The following KIF3C variants were observed in gnomAD, a reference collection of about 807,000 sequenced individuals.
KIF3C encodes the protein kinesin-like protein KIF3C.
KIF3C carries 12 observed loss-of-function variants against 67.7 expected under a neutral mutation model. The ratio of observed to expected loss-of-function variants is 0.18; its 90% CI spans 0.11 to 0.29. The LOEUF (loss-of-function observed/expected upper bound fraction) is 0.29, where lower values mean the gene tolerates loss of function less well. Ranked by LOEUF, KIF3C falls within the 10% of genes least tolerant of loss-of-function variation. The pLI is 1.00. For missense variants in KIF3C, 789 were observed against 1,059.6 expected (o/e 0.74, Z 3.55); for synonymous variants, 393 against 426.2 (o/e 0.92, Z 0.96).
intron 5 of KIF3C, among the ~76,000 whole-genome samples, chr2:25,949,332 G>T (rs78433688): frequency 6.6e-6 from 1 of 152,092 alleles, no homozygotes; most frequent in Non-Finnish European, 1.5e-5. Flanking sequence ...CTAGAACTTT[G>T]AGAGGACAAG....
chr2:25,946,885 G>A (rs928003781), intron 5 of KIF3C, among the ~76,000 whole-genome samples: 9 of 151,884 alleles, frequency 5.9e-5, no homozygotes, highest in African/African-American at 1.9e-4. Context: ...GGGCGCAGTG[G>A]CTCACGCCTG....
At chr2:25,978,623 C>T (rs557284967) in intron 1 of KIF3C, among the ~76,000 whole-genome samples, 1 of 152,048 alleles carries the variant, frequency 6.6e-6, no homozygotes, top group African/African-American at 2.4e-5. Flanking sequence ...TGCCTTAGAT[C>T]CAAGGATCTC....
At position 25,930,052 on chromosome 2, in the gene KIF3C, T is replaced by C; in HGVS notation, c.2018A>G (p.Gln673Arg). 6.2e-7 allele frequency: 1 copy of C among 1,613,616 alleles called. No homozygotes were observed. The highest frequency in any genetic ancestry group is 2.2e-5 in the East Asian group (1 of 44,886). ...PLVPAGVSSSQMKKRPTSAVG... is the reference protein window; with the variant it reads ...PLVPAGVSSSRMKKRPTSAVG... ...TGCAGATGTTGGCCGCTTCTTCATC[T>C]GGCTGCTACTGCTGTAGGAAAGAGG... The change falls in exon 6 of 8, where the codon CAG becomes CGG. Residue 673 changes from glutamine (Q) to arginine (R), a missense_variant. Around this residue, in one of 2 missense-constraint regions of KIF3C, gnomAD observed 648 missense variants for 807.8 expected, o/e 0.80. Transcript: ENST00000264712.
intron 5 of KIF3C, among the ~76,000 whole-genome samples, chr2:25,948,634 GAGAGAAAGAGAAAGAGAGAA>G (rs1242010068): frequency 1.6e-4 from 20 of 122,982 alleles, no homozygotes; most frequent in African/African-American, 6.8e-4. Context: ...GAGAAAGAGA[GAGAGAAAGAGAAAGAGAGAA>G]AGAGAAAGAG....
rs774454959 is a variant in KIF3C at position 25,955,139 on chromosome 2, G to A, written c.1770+402C>T. 2.0e-5 allele frequency among the ~76,000 whole-genome samples: 3 copies of A among 152,062 alleles called. No homozygotes were observed. Among genetic ancestry groups the A allele is most frequent in the Non-Finnish European group, 4.4e-5 (3 of 68,018 alleles). On this transcript the variant is annotated intron_variant, in intron 3 of 7. Transcript: ENST00000264712. This position sits in a 1 kb window ranked among gnomAD's most constrained non-coding sequence, Gnocchi z 5.0. ...TTCTCATCCCTTGACATGTCCTTGAGGGCCTTACACTCCCCACCTGAGCTT... is the reference window on the plus strand; with the variant it reads ...TTCTCATCCCTTGACATGTCCTTGAAGGCCTTACACTCCCCACCTGAGCTT...
At chr2:25,946,591 G>A (rs1347967647) in intron 5 of KIF3C, among the ~76,000 whole-genome samples, 5 of 152,150 alleles carry the variant, frequency 3.3e-5, no homozygotes, top group African/African-American at 4.8e-5. Flanking sequence ...AGGAGGCTGA[G>A]GCAGTAGAAT....
rs1663748446 is a variant in KIF3C, at chr2:25,954,419, T to C, written c.1771-34A>G. ...GGACAGGTGCCACTCAGAGGCTGCT[T>C]GGTGTGGCAACGAGGCCCCAGTCAC... is the stretch of plus-strand genomic sequence containing the variant. On this transcript the variant is annotated intron_variant, in intron 3 of 7. Coordinates refer to ENST00000264712, the MANE Select transcript of KIF3C (RefSeq NM_002254.8). The C allele has an allele frequency of 2.6e-6, 4 of 1,548,536 alleles. No individual in the cohort carries two copies. In the Admixed American group the frequency reaches 5.1e-5, roughly 20 times the overall value.
At chr2:25,960,294 T>G (rs1663913256) in intron 1 of KIF3C, among the ~76,000 whole-genome samples, 1 of 152,118 alleles carries the variant, frequency 6.6e-6, no homozygotes. Flanking sequence ...GAGATCCATA[T>G]TGTACTGAGA....
intron 1 of KIF3C, among the ~76,000 whole-genome samples, chr2:25,966,975 C>G (rs539680309): frequency 6.6e-6 from 1 of 152,308 alleles, no homozygotes; most frequent in East Asian, 1.9e-4. Flanking sequence ...CAGTAAATGG[C>G]AGAGTGATAT....
intron 5 of KIF3C, among the ~76,000 whole-genome samples, chr2:25,934,922 C>T (rs1310875857): frequency 2.0e-5 from 3 of 151,170 alleles, no homozygotes; most frequent in African/African-American, 4.9e-5. Flanking sequence ...GGCTACAGAG[C>T]GAAGATCCCA....
At position 25,929,288 on chromosome 2, in the gene KIF3C, A is replaced by G. The variant is rs552909636; in HGVS notation, c.2288+17T>C. 6.2e-7 allele frequency: 1 copy of G among 1,611,142 alleles called. No homozygotes were observed. The highest frequency in any genetic ancestry group is 1.1e-5 in the South Asian group (1 of 91,052). ...CCTCCTGGGTCCAGTGCTGCCTGGG[A>G]CCATGGAGGTACTGACCAGGATCTG... On this transcript the variant is annotated intron_variant, in intron 7 of 7. Transcript: ENST00000264712.
chr2:25,966,400 C>T (rs1367094845), intron 1 of KIF3C, among the ~76,000 whole-genome samples: 1 of 152,178 alleles, frequency 6.6e-6, no homozygotes, highest in African/African-American at 2.4e-5. Context: ...GCCACCACGC[C>T]CCACCTGTCT....
chr2:25,975,142 A>C (rs1015013047), intron 1 of KIF3C, among the ~76,000 whole-genome samples: 1 of 151,830 alleles, frequency 6.6e-6, no homozygotes, highest in African/African-American at 2.4e-5. Flanking sequence ...TGACACATCT[A>C]CAGCAGCTCC....
Position 25,980,248 on chromosome 2 carries a change from G to A in KIF3C, c.1545+125C>T. 1.3e-6 allele frequency: 1 copy of A among 765,328 alleles called. No individual in the cohort carries two copies. Among genetic ancestry groups the A allele is most frequent in the Admixed American group, 2.9e-5 (1 of 34,384 alleles). 47.4% of individuals were successfully genotyped at this position (765,328 alleles called of 1,614,324 possible). ...GCTCTGGGGGCACATTTGGCAGGAG[G>A]GCAGTGTGCGGTGCTGAGGGAGAAC... On this transcript the variant is annotated intron_variant, in intron 1 of 7. Coordinates refer to ENST00000264712, the MANE Select transcript of KIF3C (RefSeq NM_002254.8). This position sits in a 1 kb window ranked among gnomAD's most constrained non-coding sequence, Gnocchi z 7.6.
chr2:25,949,371 C>T (rs1028815069), intron 5 of KIF3C, among the ~76,000 whole-genome samples: 1 of 151,694 alleles, frequency 6.6e-6, no homozygotes, highest in Admixed American at 6.6e-5. Context: ...CCCAGGAGCT[C>T]GAGATCAGCC....
At chr2:25,975,583 T>G (rs1664392252) in intron 1 of KIF3C, among the ~76,000 whole-genome samples, 1 of 152,202 alleles carries the variant, frequency 6.6e-6, no homozygotes, top group South Asian at 2.1e-4. Context: ...CCAGCTGGGT[T>G]TACATAGTTT....
At chr2:25,972,880 T>C (rs1559558022) in intron 1 of KIF3C, among the ~76,000 whole-genome samples, 1 of 152,068 alleles carries the variant, frequency 6.6e-6, no homozygotes, top group Non-Finnish European at 1.5e-5. Context: ...CCCCTCTATT[T>C]CTCTCTTGCT....
Position 25,958,769 on chromosome 2 carries a change from C to G in KIF3C, c.1546-2325G>C, listed in dbSNP as rs1663872496. ...GCGTATGCTCTGTACTCCAGCCTCA[C>G]CAAGAGAATTCCAGCTCCCTGGGGG... On this transcript the variant is annotated intron_variant, in intron 1 of 7. Transcript: ENST00000264712. The surrounding 1 kb of genome is among the most constrained non-coding windows in gnomAD (Gnocchi z 4.5). Among the ~76,000 whole-genome samples the G allele has an allele frequency of 6.6e-6, 1 of 152,088 alleles. No homozygotes were observed. Among genetic ancestry groups the G allele is most frequent in the South Asian group, 2.1e-4 (1 of 4,828 alleles).
At chr2:25,961,590 C>T (rs757662379) in intron 1 of KIF3C, among the ~76,000 whole-genome samples, 26 of 152,172 alleles carry the variant, frequency 1.7e-4, no homozygotes, top group Non-Finnish European at 3.4e-4. Flanking sequence ...AGTAACACTC[C>T]ACTGTTCCCA....
Sources: allele counts gnomAD v4.1 joint callset (sites outside exome capture counted in the v4.1 genomes callset), GRCh38; gene constraint gnomAD v4.1.1; regional missense constraint gnomAD v4.1.1; non-coding constraint Gnocchi (gnomAD v3.1); transcripts MANE v1.5; gene names NCBI Gene and HGNC (gene_info 2026-07-23, HGNC 2026-07-21).